CDC42SE2: variants seen among roughly 807,000 people sequenced by gnomAD.
CDC42SE2 encodes the protein CDC42 small effector protein 2.
A neutral mutation model predicts 11.5 loss-of-function variants in CDC42SE2; 3 were observed. That is an observed-to-expected ratio of 0.26 (90% CI 0.12 to 0.67). The LOEUF (loss-of-function observed/expected upper bound fraction) is 0.67. Ranked by LOEUF, CDC42SE2 falls within the 30% of genes least tolerant of loss-of-function variation. CDC42SE2 has a pLI of 0.80. For missense variants in CDC42SE2, 82 were observed against 106.8 expected (o/e 0.77, Z 1.02); for synonymous variants, 33 against 34.8 (o/e 0.95, Z 0.18).
At chr5:131,369,790 A>T (rs1749966113) in intron 3 of CDC42SE2, among the ~76,000 whole-genome samples, 1 of 152,210 alleles carries the variant, frequency 6.6e-6, no homozygotes, top group African/African-American at 2.4e-5. Context: ...TCATCAGCAT[A>T]TTCCATTTCT....
upstream of CDC42SE2, among the ~76,000 whole-genome samples, chr5:131,242,434 T>C (rs1756547430): frequency 6.6e-6 from 1 of 152,188 alleles, no homozygotes; most frequent in Non-Finnish European, 1.5e-5. Context: ...TTTGTTTATA[T>C]ATTCTCTCTA....
At chr5:131,320,997 A>G (rs1758175775) in intron 2 of CDC42SE2, among the ~76,000 whole-genome samples, 1 of 152,192 alleles carries the variant, frequency 6.6e-6, no homozygotes, top group African/African-American at 2.4e-5. Context: ...GAGTTAGGGA[A>G]GCCTTCTTAG....
chr5:131,270,792 T>A lies in CDC42SE2; in HGVS notation c.-455+6626T>A, dbSNP rs573514842. Among the ~76,000 whole-genome samples the A allele has an allele frequency of 2.0e-5, 3 of 152,366 alleles. No homozygotes were observed. The East Asian group carries it at 5.8e-4, about 29-fold the overall frequency. ...TCAAACTCTTGTAGATTTCAGAACTTTTCTTTGGCTCAAAACTGCTTTGAA... is the reference window on the plus strand; with the variant it reads ...TCAAACTCTTGTAGATTTCAGAACTATTCTTTGGCTCAAAACTGCTTTGAA... On this transcript the variant is annotated intron_variant, in intron 1 of 4. Coordinates refer to ENST00000505065, the MANE Select transcript of CDC42SE2 (RefSeq NM_001375635.1).
intron 1 of CDC42SE2, among the ~76,000 whole-genome samples, chr5:131,279,203 G>A (rs1343521409): frequency 1.3e-5 from 2 of 152,100 alleles, no homozygotes; most frequent in Admixed American, 1.3e-4. Context: ...TCAAAGTTAT[G>A]TTCTCTTTAC....
upstream of CDC42SE2, among the ~76,000 whole-genome samples, chr5:131,240,788 A>G (rs1307972826): frequency 1.3e-5 from 2 of 152,172 alleles, no homozygotes; most frequent in Non-Finnish European, 2.9e-5. Context: ...TGCTCATATC[A>G]GTGATTTTGG....
chr5:131,264,822 C>T (rs1756822515), intron 1 of CDC42SE2, among the ~76,000 whole-genome samples: 1 of 152,244 alleles, frequency 6.6e-6, no homozygotes, highest in South Asian at 2.1e-4. Context: ...GCATTAACAG[C>T]TGAAAAAGCG....
intron 2 of CDC42SE2, among the ~76,000 whole-genome samples, chr5:131,328,559 C>T (rs1000679122): frequency 6.6e-6 from 1 of 152,140 alleles, no homozygotes; most frequent in African/African-American, 2.4e-5. Context: ...TCTACTTGAT[C>T]CTTTTTCATG....
intron 2 of CDC42SE2, among the ~76,000 whole-genome samples, chr5:131,347,489 A>C (rs936758717): frequency 1.3e-5 from 2 of 152,216 alleles, no homozygotes; most frequent in Non-Finnish European, 2.9e-5. Flanking sequence ...ACAGGCTCTG[A>C]AATTGAGGCA....
At chr5:131,319,338 T>C (rs931831235) in intron 2 of CDC42SE2, among the ~76,000 whole-genome samples, 4 of 152,222 alleles carry the variant, frequency 2.6e-5, no homozygotes, top group African/African-American at 9.6e-5. Flanking sequence ...AGTTGTTTTC[T>C]TACCCTAGGG....
chr5:131,386,973 G>A (rs1028854272), intron 4 of CDC42SE2, among the ~76,000 whole-genome samples: 3 of 152,260 alleles, frequency 2.0e-5, no homozygotes, highest in South Asian at 2.1e-4. Context: ...GAACCTTGCC[G>A]GAAAGGAAAC....
At chr5:131,338,112 C>A (rs542973329) in intron 2 of CDC42SE2, among the ~76,000 whole-genome samples, 4 of 152,254 alleles carry the variant, frequency 2.6e-5, no homozygotes, top group African/African-American at 9.6e-5. Context: ...CCTTCATGAA[C>A]ATTTTTTAAA....
At chr5:131,295,536 A>G (rs903098263) in intron 1 of CDC42SE2, among the ~76,000 whole-genome samples, 1 of 152,206 alleles carries the variant, frequency 6.6e-6, no homozygotes, top group Non-Finnish European at 1.5e-5. Flanking sequence ...GTATGCTACC[A>G]TTTAAATGCG....
the CDC42SE2 span, among the ~76,000 whole-genome samples, chr5:131,238,151 C>A: frequency 6.6e-6 from 1 of 150,574 alleles, no homozygotes; most frequent in African/African-American, 2.5e-5. Context: ...GGGGTGAGGG[C>A]AAGGGGAGGG....
chr5:131,316,951 A>C (rs963044521), intron 2 of CDC42SE2, among the ~76,000 whole-genome samples: 2 of 152,260 alleles, frequency 1.3e-5, no homozygotes, highest in East Asian at 3.9e-4. Context: ...TGTTCTTTGT[A>C]GCCCCTTACA....
At chr5:131,304,234 C>T (rs928532740) in intron 1 of CDC42SE2, among the ~76,000 whole-genome samples, 3 of 152,116 alleles carry the variant, frequency 2.0e-5, no homozygotes, top group Non-Finnish European at 4.4e-5. Flanking sequence ...TCCTCCCGCC[C>T]TGGCCTCCCA....
chr5:131,357,400 TTTACA>T (rs1190488290), intron 2 of CDC42SE2, among the ~76,000 whole-genome samples: 1 of 152,222 alleles, frequency 6.6e-6, no homozygotes, highest in Non-Finnish European at 1.5e-5. Flanking sequence ...GTGCCTTAAC[TTTACA>T]TTACATCTTT....
chr5:131,226,263 T>C, the CDC42SE2 span, among the ~76,000 whole-genome samples: 1 of 152,372 alleles, frequency 6.6e-6, no homozygotes, highest in East Asian at 1.9e-4. Context: ...CTCACTTTAG[T>C]ATAGCAATTT....
At chr5:131,287,693 C>T (rs1474809742) in intron 1 of CDC42SE2, among the ~76,000 whole-genome samples, 2 of 151,926 alleles carry the variant, frequency 1.3e-5, no homozygotes, top group Non-Finnish European at 1.5e-5. Flanking sequence ...AGGCTGGTCT[C>T]GAACTACTAG....
intron 3 of CDC42SE2, among the ~76,000 whole-genome samples, chr5:131,384,783 C>A (rs1034412819): frequency 3.7e-4 from 56 of 151,768 alleles, no homozygotes; most frequent in Non-Finnish European, 6.3e-4. Context: ...AAGTGCTTTT[C>A]AAAAATTAGG....
Sources: allele counts gnomAD v4.1 joint callset (sites outside exome capture counted in the v4.1 genomes callset), GRCh38; gene constraint gnomAD v4.1.1; transcripts MANE v1.5; gene names NCBI Gene and HGNC (gene_info 2026-07-23, HGNC 2026-07-21).